TAF11: variants seen among roughly 807,000 people sequenced by gnomAD.
The protein encoded by TAF11 is TATA-box binding protein associated factor 11.
Under a neutral mutation model 23.0 loss-of-function variants are expected in TAF11, and 10 were observed. The observed-to-expected ratio is 0.43, with a 90% CI of 0.27 to 0.74. TAF11 has a LOEUF of 0.74. TAF11 is among the 30% of genes least tolerant of loss of function. TAF11 has a pLI of 0.19. For missense variants in TAF11, 196 were observed against 261.7 expected, an observed-to-expected ratio of 0.75 and a Z score of 1.73; for synonymous variants, 85 against 95.8, an observed-to-expected ratio of 0.89 and a Z score of 0.66.
intron 4 of TAF11, chr6:34,879,263 G>T: frequency 2.4e-6 from 1 of 416,958 alleles, no homozygotes; most frequent in South Asian, 1.0e-4. Context: ...CACGCCTACA[G>T]TCCCAGCTAC....
At chr6:34,887,647 C>T in intron 1 of TAF11, 140 bp downstream of exon 1, 1 of 1,056,808 alleles carries the variant, frequency 9.5e-7, no homozygotes, top group South Asian at 1.4e-5. Context: ...CTCTCTTCCC[C>T]CTCAAGATTA....
chr6:34,883,177 A>G (rs535105078), intron 1 of TAF11, 97 bp from the exon 2 acceptor site: 1 of 1,293,080 alleles, frequency 7.7e-7, no homozygotes, highest in South Asian at 1.4e-5. Context: ...CAACAAATCC[A>G]TTTATTGAGT....
intron 1 of TAF11, among the ~76,000 whole-genome samples, chr6:34,885,579 A>G (rs1199254347): frequency 6.6e-6 from 1 of 152,220 alleles, no homozygotes; most frequent in Non-Finnish European, 1.5e-5. Context: ...CAGAAACAAC[A>G]TAATTTTATC....
chr6:34,882,770 G>A (rs767359728), intron 2 of TAF11, among the ~76,000 whole-genome samples, 162 bp downstream of exon 2: 1 of 152,142 alleles, frequency 6.6e-6, no homozygotes, highest in Non-Finnish European at 1.5e-5. Context: ...CTTCTAAAGT[G>A]TTGGGATTAC....
At position 34,878,410 on chromosome 6, in the gene TAF11, G is replaced by GT; in HGVS notation, c.*179dup. The GT allele has an allele frequency of 1.7e-6, 1 of 579,594 alleles. No homozygotes were observed. The highest frequency in any genetic ancestry group is 2.3e-5 in the South Asian group (1 of 43,118). 35.9% of individuals were successfully genotyped at this position (579,594 alleles called of 1,614,324 possible). On this transcript the variant is annotated 3_prime_UTR_variant, in exon 5 of 5. Transcript: ENST00000361288. The stretch of plus-strand genomic sequence containing the variant: ...AGGTCCCAAAATTTAGTCAAGGCAA[G>GT]TATCAATCAGGCTACATACTTTCTA...
chr6:34,880,658 ACT>A lies in TAF11; in HGVS notation c.321-284_321-283del, dbSNP rs4646936. ...TGCAGCATTAGACACTATCTCCATA[ACT>A]CTATCTTATTGAATTTCACACTGAT... is the stretch of plus-strand genomic sequence containing the variant. On this transcript the variant is annotated intron_variant, in intron 2 of 4. Transcript: ENST00000361288. The surrounding 1 kb of genome is among the most constrained non-coding windows in gnomAD (Gnocchi z 4.8). Among the ~76,000 whole-genome samples, 21,709 of 152,158 alleles carry A rather than the reference ACT, an allele frequency of 0.14. 3,150 individuals are homozygous for A. The highest frequency in any genetic ancestry group is 0.38 in the African/African-American group (15,574 of 41,430).
In TAF11 at chr6:34,887,973, A is replaced by AG; in HGVS notation, c.-17dup. The AG allele has an allele frequency of 1.9e-6, 3 of 1,613,164 alleles. No individual in the cohort carries two copies. Among genetic ancestry groups the AG allele is most frequent in the Non-Finnish European group, 2.5e-6 (3 of 1,179,354 alleles). On this transcript the variant is annotated 5_prime_UTR_variant, in exon 1 of 5. Coordinates refer to ENST00000361288, the MANE Select transcript of TAF11 (RefSeq NM_005643.4). ...CATCGTCCATCACGGATAGGATTGG[A>AG]GGGGAGAGGAGATCGCGGAGATGCC...
intron 1 of TAF11, among the ~76,000 whole-genome samples, chr6:34,885,416 GGTTA>G (rs1365255024): frequency 2.6e-5 from 4 of 151,426 alleles, no homozygotes; most frequent in East Asian, 1.9e-4. Flanking sequence ...ATTTCCAGGG[GGTTA>G]GTTCTTTTTT....
rs1766466486 is a variant in TAF11 at position 34,882,924 on chromosome 6, T to C, written c.320+8A>G. Reference sequence around the variant, plus strand: ...CTCGAAATGGGGAATGATAAGAAAGTGACTTACTGCATCTTCTGAATCTCA... The same window carrying C: ...CTCGAAATGGGGAATGATAAGAAAGCGACTTACTGCATCTTCTGAATCTCA... On this transcript the variant is annotated splice_region_variant and intron_variant, in intron 2 of 4. Transcript: ENST00000361288. The C allele has an allele frequency of 2.5e-6, 4 of 1,591,176 alleles. No homozygotes were observed. The highest frequency in any genetic ancestry group is 3.4e-6 in the Non-Finnish European group (4 of 1,172,030).
Position 34,877,804 on chromosome 6 carries a change from A to C in TAF11, c.*786T>G, listed in dbSNP as rs952912553. The C allele has an allele frequency of 6.6e-6, 1 of 152,204 alleles. No homozygotes were observed. Among genetic ancestry groups the C allele is most frequent in the Non-Finnish European group, 1.5e-5 (1 of 68,040 alleles). The allele number at this position is 152,204 out of a possible 1,614,324, so 9.4% of individuals were successfully genotyped here. On this transcript the variant is annotated 3_prime_UTR_variant, in exon 5 of 5. Coordinates refer to ENST00000361288, the MANE Select transcript of TAF11 (RefSeq NM_005643.4). ...CAAGTTGGAAAACAGTTTAATGATC[A>C]CTCACCAAAATCCACAGGAGAATCT...
At chr6:34,879,566 T>C in intron 4 of TAF11, 1 of 984,668 alleles carries the variant, frequency 1.0e-6, no homozygotes, top group Non-Finnish European at 1.2e-6. Flanking sequence ...ACAGCCAGGC[T>C]TTTTACTCAA....
intron 1 of TAF11, among the ~76,000 whole-genome samples, chr6:34,886,076 C>T (rs189106258): frequency 6.6e-6 from 1 of 152,320 alleles, no homozygotes; most frequent in African/African-American, 2.4e-5. Flanking sequence ...TGCAGTGAGC[C>T]GAGATTGCGC....
chr6:34,887,681 A>G, intron 1 of TAF11, 106 bp downstream of exon 1: 1 of 1,352,488 alleles, frequency 7.4e-7, no homozygotes, highest in Non-Finnish European at 1.0e-6. Flanking sequence ...AATTCTGGTG[A>G]GTTCGAGTTC....
intron 1 of TAF11, among the ~76,000 whole-genome samples, chr6:34,884,647 T>C (rs1459360775): frequency 6.6e-6 from 1 of 152,220 alleles, no homozygotes; most frequent in Non-Finnish European, 1.5e-5. Context: ...TCTGACTTAA[T>C]GTAGAATCTT....
chr6:34,885,305 T>C (rs1050537372), intron 1 of TAF11, among the ~76,000 whole-genome samples: 8 of 150,616 alleles, frequency 5.3e-5, no homozygotes, highest in Admixed American at 6.6e-5. Flanking sequence ...TGTAAGGCTA[T>C]ATATTTTTCT....
At chr6:34,884,098 T>C (rs997419105) in intron 1 of TAF11, among the ~76,000 whole-genome samples, 1 of 152,188 alleles carries the variant, frequency 6.6e-6, no homozygotes, top group Non-Finnish European at 1.5e-5. Context: ...TGTTCTATTA[T>C]AAAGACACAT....
chr6:34,882,303 A>G (rs1188387291), intron 2 of TAF11, among the ~76,000 whole-genome samples: 2 of 148,404 alleles, frequency 1.3e-5, no homozygotes, highest in African/African-American at 5.0e-5. Context: ...GCACCACCGC[A>G]CTCCAGCCTG....
rs961622573 is a variant in TAF11, at chr6:34,883,239, C to G, written c.172-159G>C. 5.3e-5 allele frequency: 35 copies of G among 654,534 alleles called. No homozygotes were observed. In the Middle Eastern group the frequency reaches 9.2e-4, roughly 17 times the overall value. 40.5% of individuals were successfully genotyped at this position (654,534 alleles called of 1,614,324 possible). A position where few individuals can be genotyped will look rare whatever the true frequency, so the allele number is the denominator to read the frequency against. ...TACCATCAAGGATAAGATACAGTAT[C>G]TCTCCTAAGGGAAGATTATGGCTCA... On this transcript the variant is annotated intron_variant, in intron 1 of 4. Transcript: ENST00000361288.
chr6:34,879,881 T>G, intron 4 of TAF11, 86 bp downstream of exon 4: 1 of 1,510,546 alleles, frequency 6.6e-7, no homozygotes, highest in Non-Finnish European at 9.0e-7. Context: ...CTCCCATAGG[T>G]GCTTTAATAA....
Sources: allele counts gnomAD v4.1 joint callset (sites outside exome capture counted in the v4.1 genomes callset), GRCh38; gene constraint gnomAD v4.1.1; non-coding constraint Gnocchi (gnomAD v3.1); transcripts MANE v1.5; gene names NCBI Gene and HGNC (gene_info 2026-07-23, HGNC 2026-07-21).